STAG1: variants seen among roughly 807,000 people sequenced by gnomAD.
The protein encoded by STAG1 is cohesin subunit SA-1.
In STAG1, 26 loss-of-function variants were observed where a neutral mutation model predicts 170.9. That is an observed-to-expected ratio of 0.15 (90% CI 0.11 to 0.21). The LOEUF (loss-of-function observed/expected upper bound fraction) is 0.21. STAG1 is among the 10% of genes least tolerant of loss of function. STAG1 has a pLI of 1.00. For synonymous variants in STAG1, 514 were observed against 497.7 expected (o/e 1.03, Z -0.44); for missense variants, 964 against 1,509.5 (o/e 0.64, Z 5.99).
intron 30 of STAG1, 46 bp downstream of exon 30, chr3:136,343,785 CT>C (rs762583047): frequency 1.4e-6 from 2 of 1,439,310 alleles, no homozygotes; most frequent in African/African-American, 1.4e-5. Flanking sequence ...AATAGTTTTA[CT>C]TTCTTTAAAG....
At chr3:136,367,562 T>A (rs1043627576) in intron 24 of STAG1, among the ~76,000 whole-genome samples, 26 of 152,278 alleles carry the variant, frequency 1.7e-4, no homozygotes, top group African/African-American at 6.3e-4. Flanking sequence ...CTGATTACCT[T>A]TAAAACGCTG....
At chr3:136,364,635 A>C (rs971656787) in intron 25 of STAG1, among the ~76,000 whole-genome samples, 1 of 152,228 alleles carries the variant, frequency 6.6e-6, no homozygotes, top group Non-Finnish European at 1.5e-5. Context: ...AATATAAAAA[A>C]GTAAAACACA....
chr3:136,496,372 C>G (rs1341202652), intron 9 of STAG1, among the ~76,000 whole-genome samples: 1 of 152,128 alleles, frequency 6.6e-6, no homozygotes, highest in Non-Finnish European at 1.5e-5. Flanking sequence ...CTATAGGTAT[C>G]TATTCACCAA....
chr3:136,574,383 T>C (rs1207489036), intron 4 of STAG1, among the ~76,000 whole-genome samples: 1 of 152,060 alleles, frequency 6.6e-6, no homozygotes, highest in Non-Finnish European at 1.5e-5. Context: ...CTTGTCTTGA[T>C]TTCTACTTTG....
intron 1 of STAG1, among the ~76,000 whole-genome samples, chr3:136,728,877 T>C (rs1163020778): frequency 6.6e-6 from 1 of 152,262 alleles, no homozygotes; most frequent in African/African-American, 2.4e-5. Context: ...AAGTGTTTTT[T>C]AATCTAATAC....
chr3:136,676,204 G>A (rs1942125119), intron 1 of STAG1, among the ~76,000 whole-genome samples: 1 of 152,180 alleles, frequency 6.6e-6, no homozygotes, highest in African/African-American at 2.4e-5. Context: ...TGCTCTAGGT[G>A]AGTGAGTGAG....
At chr3:136,346,454 C>G (rs540554726) in intron 29 of STAG1, among the ~76,000 whole-genome samples, 35 of 152,300 alleles carry the variant, frequency 2.3e-4, no homozygotes, top group Admixed American at 7.2e-4. Flanking sequence ...CCATCTTAGT[C>G]ATTTTGTAAA....
At chr3:136,465,730 CA>C (rs1172943622) in intron 12 of STAG1, among the ~76,000 whole-genome samples, 1 of 151,898 alleles carries the variant, frequency 6.6e-6, no homozygotes, top group Non-Finnish European at 1.5e-5. Context: ...TAGACCAACA[CA>C]AAAATTGAAG....
intron 7 of STAG1, among the ~76,000 whole-genome samples, chr3:136,513,103 C>T (rs538764047): frequency 6.6e-6 from 1 of 152,066 alleles, no homozygotes; most frequent in South Asian, 2.1e-4. Context: ...TGTAGGGCCT[C>T]CCAGCCCTTT....
chr3:136,446,565 G>A (rs911523455), intron 14 of STAG1, among the ~76,000 whole-genome samples: 5 of 151,892 alleles, frequency 3.3e-5, no homozygotes, highest in African/African-American at 9.7e-5. Flanking sequence ...TGAGATGACA[G>A]GCACCTGCCA....
At chr3:136,673,642 T>C (rs545795398) in intron 1 of STAG1, among the ~76,000 whole-genome samples, 5 of 152,220 alleles carry the variant, frequency 3.3e-5, no homozygotes, top group East Asian at 1.9e-4. Context: ...ATAACAATTA[T>C]CTAAAGGGAA....
chr3:136,702,099 G>GAC (rs1374318950), intron 1 of STAG1, among the ~76,000 whole-genome samples: 9 of 101,844 alleles, frequency 8.8e-5, no homozygotes, highest in African/African-American at 4.9e-4. Flanking sequence ...GAGAGAGAGA[G>GAC]AGAGAGAGAG....
At chr3:136,687,128 C>T (rs1284524408) in intron 1 of STAG1, among the ~76,000 whole-genome samples, 1 of 152,096 alleles carries the variant, frequency 6.6e-6, no homozygotes, top group Non-Finnish European at 1.5e-5. Context: ...TATCTCAAAC[C>T]ACACTGGTAT....
At chr3:136,732,237 TAA>T (rs71134406) in intron 1 of STAG1, among the ~76,000 whole-genome samples, 9 of 85,736 alleles carry the variant, frequency 1.0e-4, no homozygotes, top group South Asian at 8.9e-4. Context: ...TATCCACAAC[TAA>T]AAAAAAAAAA....
intron 2 of STAG1, 34 bp from the exon 3 acceptor site, chr3:136,623,282 T>A: frequency 6.3e-7 from 1 of 1,575,918 alleles, no homozygotes; most frequent in Non-Finnish European, 8.7e-7. Context: ...GCGAACAAAT[T>A]AATAAGTATA....
intron 22 of STAG1, among the ~76,000 whole-genome samples, chr3:136,386,352 T>A (rs1245464638): frequency 1.3e-5 from 2 of 151,582 alleles, no homozygotes; most frequent in African/African-American, 4.9e-5. Context: ...AATAAATAAA[T>A]AAAAATAAAA....
At chr3:136,458,127 T>A (rs2089170233) in intron 13 of STAG1, among the ~76,000 whole-genome samples, 1 of 152,138 alleles carries the variant, frequency 6.6e-6, no homozygotes, top group Non-Finnish European at 1.5e-5. Flanking sequence ...TAAACTGTAT[T>A]TTTTTCTGTG....
intron 4 of STAG1, among the ~76,000 whole-genome samples, chr3:136,576,634 A>C (rs890335002): frequency 1.3e-5 from 2 of 152,232 alleles, no homozygotes; most frequent in South Asian, 4.1e-4. Flanking sequence ...TCAAGGCTAC[A>C]AAGAGGAAAT....
chr3:136,486,999 CAAAAAAAAAAAAAAAAAAAA>C (rs536392595), intron 9 of STAG1, among the ~76,000 whole-genome samples: 3 of 54,662 alleles, frequency 5.5e-5, no homozygotes, highest in Admixed American at 2.8e-4. Flanking sequence ...TTTATTTCTT[CAAAAAAAAAAAAAAAAAAAA>C]AAAAAAAAAA....
Sources: allele counts gnomAD v4.1 joint callset (sites outside exome capture counted in the v4.1 genomes callset), GRCh38; gene constraint gnomAD v4.1.1; transcripts MANE v1.5; gene names NCBI Gene and HGNC (gene_info 2026-07-23, HGNC 2026-07-21).